LSAMP: variants seen among roughly 807,000 people sequenced by gnomAD.
LSAMP encodes limbic system associated membrane protein.
Under a neutral mutation model 38.6 loss-of-function variants are expected in LSAMP, and 7 were observed. That is an observed-to-expected ratio of 0.18 (90% CI 0.10 to 0.34). The LOEUF (loss-of-function observed/expected upper bound fraction) is 0.34, where lower values mean the gene tolerates loss of function less well. LSAMP is among the 10% of genes least tolerant of loss of function. The pLI is 1.00. For synonymous variants in LSAMP, 154 were observed against 166.8 expected (o/e 0.92, Z 0.59); for missense variants, 313 against 420.0 (o/e 0.75, Z 2.23).
chr3:115,959,349 T>C (rs1187074254), intron 3 of LSAMP, among the ~76,000 whole-genome samples: 3 of 152,152 alleles, frequency 2.0e-5, no homozygotes, highest in Non-Finnish European at 4.4e-5. Flanking sequence ...TTCAAATTGG[T>C]GGATCCACCA....
chr3:116,227,947 C>T (rs1283585065), intron 1 of LSAMP, among the ~76,000 whole-genome samples: 1 of 151,998 alleles, frequency 6.6e-6, no homozygotes, highest in African/African-American at 2.4e-5. Flanking sequence ...TATACAGGGC[C>T]GTAACTATTT....
At chr3:115,994,375 C>A (rs539757751) in intron 3 of LSAMP, among the ~76,000 whole-genome samples, 2 of 152,032 alleles carry the variant, frequency 1.3e-5, no homozygotes, top group African/African-American at 2.4e-5. Flanking sequence ...TTAATAAAAA[C>A]AGTTACTACT....
chr3:116,424,109 A>T (rs1009431594), intron 1 of LSAMP, among the ~76,000 whole-genome samples: 1 of 152,184 alleles, frequency 6.6e-6, no homozygotes, highest in Non-Finnish European at 1.5e-5. Context: ...TTTGACTTCA[A>T]TTATCTTGTT....
chr3:116,001,339 C>T (rs1344656866), intron 3 of LSAMP, among the ~76,000 whole-genome samples: 1 of 152,140 alleles, frequency 6.6e-6, no homozygotes, highest in Non-Finnish European at 1.5e-5. Flanking sequence ...CCATTATACA[C>T]CATTATGCCA....
At chr3:115,900,758 A>C (rs1446301965) in intron 3 of LSAMP, among the ~76,000 whole-genome samples, 1 of 152,126 alleles carries the variant, frequency 6.6e-6, no homozygotes, top group Non-Finnish European at 1.5e-5. Context: ...GTGAAAGAAC[A>C]ATGGTTAAAT....
intron 1 of LSAMP, among the ~76,000 whole-genome samples, chr3:116,391,788 A>G (rs9860260): frequency 0.18 from 26,848 of 152,146 alleles, 3,031 homozygotes; most frequent in African/African-American, 0.32. Context: ...TCAGGGATCC[A>G]GCCAGCAGTG....
At chr3:116,157,137 G>A (rs1162925202) in intron 1 of LSAMP, among the ~76,000 whole-genome samples, 1 of 152,052 alleles carries the variant, frequency 6.6e-6, no homozygotes, top group Non-Finnish European at 1.5e-5. Context: ...TACCAGGGTG[G>A]TTCTAACGAC....
intron 3 of LSAMP, among the ~76,000 whole-genome samples, chr3:115,939,584 C>CTTTCTTTCTTTCTTTT (rs1576237854): frequency 7.6e-6 from 1 of 131,806 alleles, no homozygotes; most frequent in Non-Finnish European, 1.7e-5. Context: ...TTCTTTCTTT[C>CTTTCTTTCTTTCTTTT]TGTTAAGAGA....
chr3:115,821,944 A>T (rs1934253547), intron 6 of LSAMP, among the ~76,000 whole-genome samples: 1 of 152,318 alleles, frequency 6.6e-6, no homozygotes, highest in South Asian at 2.1e-4. Context: ...TTGAAAAATA[A>T]AACCTTTATA....
At chr3:116,264,330 C>G (rs780295656) in intron 1 of LSAMP, among the ~76,000 whole-genome samples, 2 of 152,120 alleles carry the variant, frequency 1.3e-5, no homozygotes, top group Non-Finnish European at 2.9e-5. Context: ...GGAGGGTTAT[C>G]TGGAATTGCT....
At chr3:116,172,925 G>GA (rs528975074) in intron 1 of LSAMP, among the ~76,000 whole-genome samples, 19 of 151,978 alleles carry the variant, frequency 1.3e-4, no homozygotes, top group Admixed American at 1.2e-3. Flanking sequence ...TGGCTACTGG[G>GA]AAAGAGGATG....
At chr3:116,418,433 C>T (rs541335639) in intron 1 of LSAMP, among the ~76,000 whole-genome samples, 8 of 152,296 alleles carry the variant, frequency 5.3e-5, no homozygotes, top group South Asian at 2.1e-4. Context: ...ACACTTGTCA[C>T]GTTAAGCCAA....
rs75999115 is a variant in LSAMP, at chr3:116,259,719, T to C, written c.156-173163A>G. Among the ~76,000 whole-genome samples the C allele has an allele frequency of 2.4e-3, 369 of 152,180 alleles. 3 individuals are homozygous for C. Among genetic ancestry groups the C allele is most frequent in the African/African-American group, 8.6e-3 (356 of 41,512 alleles). On this transcript the variant is annotated intron_variant, in intron 1 of 6. Coordinates refer to ENST00000490035, the MANE Select transcript of LSAMP (RefSeq NM_002338.5). ...CGTAAAGTTGCTTGCAAAAATATGT[T>C]TATCTCCTATTGGTTGAGTGTACAA...
intron 1 of LSAMP, among the ~76,000 whole-genome samples, chr3:116,189,148 T>C (rs1166404402): frequency 6.6e-6 from 1 of 152,100 alleles, no homozygotes; most frequent in Non-Finnish European, 1.5e-5. Flanking sequence ...AAAAAGTGGA[T>C]AAAGATTAAT....
intron 1 of LSAMP, among the ~76,000 whole-genome samples, chr3:116,271,756 T>C (rs1223422072): frequency 1.3e-5 from 2 of 152,062 alleles, no homozygotes; most frequent in Non-Finnish European, 2.9e-5. Flanking sequence ...TGCCAATTTG[T>C]AGTTAGTCTA....
chr3:116,327,792 GA>G (rs2047793713), intron 1 of LSAMP, among the ~76,000 whole-genome samples: 1 of 152,066 alleles, frequency 6.6e-6, no homozygotes, highest in South Asian at 2.1e-4. Flanking sequence ...TAAAATAAAA[GA>G]AAACAAAATG....
intron 1 of LSAMP, among the ~76,000 whole-genome samples, chr3:116,249,940 C>T (rs975688357): frequency 6.6e-6 from 1 of 152,084 alleles, no homozygotes; most frequent in Non-Finnish European, 1.5e-5. Flanking sequence ...AGCATTATCT[C>T]ATTTATTTTT....
At chr3:115,811,892 G>C (rs1422187865) in intron 6 of LSAMP, among the ~76,000 whole-genome samples, 2 of 152,204 alleles carry the variant, frequency 1.3e-5, no homozygotes, top group Admixed American at 6.5e-5. Flanking sequence ...TCGAGGCACA[G>C]GGAGATTGGA....
At chr3:116,079,706 C>T (rs1462789605) in intron 2 of LSAMP, among the ~76,000 whole-genome samples, 2 of 150,440 alleles carry the variant, frequency 1.3e-5, no homozygotes, top group African/African-American at 2.4e-5. Flanking sequence ...TTCACTCAGG[C>T]AGACCTAGGA....
Sources: allele counts gnomAD v4.1 joint callset (sites outside exome capture counted in the v4.1 genomes callset), GRCh38; gene constraint gnomAD v4.1.1; transcripts MANE v1.5; gene names NCBI Gene and HGNC (gene_info 2026-07-23, HGNC 2026-07-21).